PTPN14: variants seen among roughly 807,000 people sequenced by gnomAD.
The protein encoded by PTPN14 is tyrosine-protein phosphatase non-receptor type 14.
Under a neutral mutation model 126.8 loss-of-function variants are expected in PTPN14, and 53 were observed. That is an observed-to-expected ratio of 0.42 (90% CI 0.34 to 0.53). The LOEUF is 0.53. PTPN14 is among the 20% of genes least tolerant of loss of function. PTPN14 has a pLI of 0.08. For missense variants in PTPN14, 1,257 were observed against 1,552.9 expected, an observed-to-expected ratio of 0.81 and a Z score of 3.20; for synonymous variants, 630 against 599.3, an observed-to-expected ratio of 1.05 and a Z score of -0.75.
chr1:214,424,965 G>GT (rs936669238), intron 3 of PTPN14, among the ~76,000 whole-genome samples: 92 of 145,132 alleles, frequency 6.3e-4, no homozygotes, highest in African/African-American at 1.3e-3. Context: ...ATCCATCTCT[G>GT]TTTTTTTTTT....
chr1:214,367,185 C>T (rs115698240), intron 17 of PTPN14, among the ~76,000 whole-genome samples: 2,390 of 152,166 alleles, frequency 0.016, 50 homozygotes, highest in African/African-American at 0.055. Flanking sequence ...TCAATTAGCA[C>T]GTGATCAGGT....
At chr1:214,469,124 A>G (rs1426379816) in intron 1 of PTPN14, among the ~76,000 whole-genome samples, 1 of 152,184 alleles carries the variant, frequency 6.6e-6, no homozygotes, top group Non-Finnish European at 1.5e-5. Flanking sequence ...GCTACACCTA[A>G]ATTATTCCAG....
At position 214,394,894 on chromosome 1, in the gene PTPN14, C is replaced by T. The variant is rs749005761; in HGVS notation, c.846+5G>A. 1.2e-6 allele frequency: 2 copies of T among 1,609,080 alleles called. No homozygotes were observed. Among genetic ancestry groups the T allele is most frequent in the Non-Finnish European group, 1.7e-6 (2 of 1,175,478 alleles). On this transcript the variant is annotated splice_donor_5th_base_variant and intron_variant, in intron 9 of 18. Transcript: ENST00000366956. ...AGACCCTGACTGTTTGTCTGTTGTG[C>T]TTACCGTGTGAAAGAGGGCAGTCTC...
chr1:214,537,021 G>A (rs1655725316), intron 1 of PTPN14, among the ~76,000 whole-genome samples: 1 of 152,164 alleles, frequency 6.6e-6, no homozygotes, highest in African/African-American at 2.4e-5. Context: ...TACTTGCTAT[G>A]AAATATACCC....
chr1:214,542,287 C>T (rs984793113), intron 1 of PTPN14, among the ~76,000 whole-genome samples: 3 of 152,100 alleles, frequency 2.0e-5, no homozygotes, highest in Non-Finnish European at 2.9e-5. Context: ...AGCAGGAGAG[C>T]GAAAATATCA....
chr1:214,504,454 A>C (rs754401682), intron 1 of PTPN14, among the ~76,000 whole-genome samples: 8 of 152,116 alleles, frequency 5.3e-5, no homozygotes, highest in Non-Finnish European at 1.0e-4. Flanking sequence ...TGTCGCACCA[A>C]AACTGCCTTC....
chr1:214,445,861 A>C (rs1282130884), intron 3 of PTPN14, among the ~76,000 whole-genome samples: 1 of 152,168 alleles, frequency 6.6e-6, no homozygotes, highest in Non-Finnish European at 1.5e-5. Flanking sequence ...CGTGTCCAGA[A>C]AAATGTGAAA....
At chr1:214,530,213 T>G in intron 1 of PTPN14, 1 of 151,158 alleles carries the variant, frequency 6.6e-6, no homozygotes, top group African/African-American at 2.5e-5. Flanking sequence ...AAGGAGAAAG[T>G]ATTAGGGAGT....
intron 1 of PTPN14, chr1:214,532,482 C>T (rs1410514376): frequency 2.3e-6 from 2 of 865,642 alleles, no homozygotes; most frequent in Non-Finnish European, 3.9e-6. Flanking sequence ...ACTGAGGAGC[C>T]TGGAGATCGA....
chr1:214,383,514 G>A lies in PTPN14; in HGVS notation c.2341C>T (p.Leu781=). The change falls in exon 13 of 19, where the codon CTG becomes TTG. Residue 781 remains leucine, a synonymous_variant. Transcript: ENST00000366956. This position sits in a 1 kb window ranked among gnomAD's most constrained non-coding sequence, Gnocchi z 4.4. ...LPPAMARARV[L]RHGPAKAISM... is the part of the protein sequence containing the mutation. The stretch of plus-strand genomic sequence containing the variant: ...ATGGCCTTGGCTGGCCCATGCCTCA[G>A]CACCCTGGCTCTGGCCATGGCGGGA... 1 of 1,614,138 alleles carries A rather than the reference G, an allele frequency of 6.2e-7. No individual in the cohort carries two copies.
chr1:214,369,755 A>G lies in PTPN14; in HGVS notation c.3037-64T>C, dbSNP rs3738425. The G allele has an allele frequency of 0.19, 270,992 of 1,416,236 alleles. 27,594 individuals are homozygous for G. The highest frequency in any genetic ancestry group is 0.27 in the East Asian group (11,796 of 43,772). 87.7% of individuals were successfully genotyped at this position (1,416,236 alleles called of 1,614,324 possible). On this transcript the variant is annotated intron_variant, in intron 16 of 18. Transcript: ENST00000366956. ...GGGAAGCTCTCATCCTTTTAATCCT[A>G]AGATATGAAGACAGAAGAAAATGCA...
At chr1:214,410,301 T>A (rs1320003705) in intron 5 of PTPN14, among the ~76,000 whole-genome samples, 2,529 of 113,062 alleles carry the variant, frequency 0.022, 71 homozygotes, top group African/African-American at 0.09. Context: ...TTTTTTTTTC[T>A]TTTTTTTTTT....
chr1:214,543,573 A>AG lies in PTPN14; in HGVS notation c.-155+7609dup, dbSNP rs373280133. On this transcript the variant is annotated intron_variant, in intron 1 of 18. Transcript: ENST00000366956. ...AAGAATAAATAATAAATCACAAACT[A>AG]GGCTGAGCTCTTATCCCTCAGGTCA... 3.3e-3 allele frequency among the ~76,000 whole-genome samples: 498 copies of AG among 152,290 alleles called. 2 individuals carry two copies. The highest frequency in any genetic ancestry group is 0.012 in the African/African-American group (486 of 41,540).
intron 1 of PTPN14, among the ~76,000 whole-genome samples, chr1:214,491,267 T>C (rs1252899960): frequency 6.6e-6 from 1 of 152,128 alleles, no homozygotes; most frequent in Non-Finnish European, 1.5e-5. Context: ...AATGCTGCAA[T>C]GTAATGTTAG....
chr1:214,413,746 G>A (rs1659361018), intron 4 of PTPN14, among the ~76,000 whole-genome samples: 1 of 152,194 alleles, frequency 6.6e-6, no homozygotes, highest in African/African-American at 2.4e-5. Context: ...TCAGCTCACT[G>A]TAACCTCCAC....
chr1:214,397,636 G>A (rs1658916578), intron 8 of PTPN14, among the ~76,000 whole-genome samples: 1 of 152,192 alleles, frequency 6.6e-6, no homozygotes, highest in South Asian at 2.1e-4. Context: ...ACTGACTGGA[G>A]AGCCAGTTTT....
intron 17 of PTPN14, among the ~76,000 whole-genome samples, chr1:214,367,208 A>G (rs1658102035): frequency 6.6e-6 from 1 of 152,176 alleles, no homozygotes; most frequent in Admixed American, 6.5e-5. Flanking sequence ...AAGAAATACA[A>G]TGAGCACTGT....
At chr1:214,536,560 G>A (rs544077165) in intron 1 of PTPN14, among the ~76,000 whole-genome samples, 1 of 151,894 alleles carries the variant, frequency 6.6e-6, no homozygotes, top group African/African-American at 2.4e-5. Context: ...TGAGGCGGGA[G>A]GATCACTTGA....
intron 18 of PTPN14, among the ~76,000 whole-genome samples, chr1:214,361,859 C>T (rs1466782676): frequency 6.6e-6 from 1 of 152,230 alleles, no homozygotes; most frequent in East Asian, 1.9e-4. Context: ...CCCCACTCCC[C>T]ACTGCACAGC....
Sources: allele counts gnomAD v4.1 joint callset (sites outside exome capture counted in the v4.1 genomes callset), GRCh38; gene constraint gnomAD v4.1.1; non-coding constraint Gnocchi (gnomAD v3.1); transcripts MANE v1.5; gene names NCBI Gene and HGNC (gene_info 2026-07-23, HGNC 2026-07-21).